Variants in TDRD12 observed in about 807,000 individuals in gnomAD.
TDRD12 encodes tudor domain containing 12.
TDRD12 carries 158 observed loss-of-function variants against 133.5 expected under a neutral mutation model. That is an observed-to-expected ratio of 1.18 (90% CI 1.04 to 1.35). TDRD12 has a LOEUF of 1.35. Among genes scored for constraint, TDRD12 ranks in the 40% most tolerant of loss-of-function variants. The pLI, the probability that TDRD12 is intolerant of heterozygous loss-of-function variation, is 0.00. For missense variants in TDRD12, 1,443 were observed against 1,321.3 expected (o/e 1.09, Z -1.43); for synonymous variants, 460 against 477.9 (o/e 0.96, Z 0.49).
chr19:32,815,593 C>G (rs1967151435), exon 26 of TDRD12: 4 of 1,536,072 alleles, frequency 2.6e-6, no homozygotes, highest in South Asian at 1.2e-5. Context: ...AAGATACCAG[C>G]TTGTGAAGAA....
chr19:32,780,183 A>C (rs963163405), intron 11 of TDRD12, among the ~76,000 whole-genome samples: 3 of 149,536 alleles, frequency 2.0e-5, no homozygotes, highest in Non-Finnish European at 4.4e-5. Flanking sequence ...TCTCGGGTTC[A>C]AGCGATTCTC....
At chr19:32,773,026 A>G (rs1446875502) in intron 9 of TDRD12, among the ~76,000 whole-genome samples, 176 bp downstream of exon 9, 1 of 152,242 alleles carries the variant, frequency 6.6e-6, no homozygotes, top group African/African-American at 2.4e-5. Context: ...TGAAAGGAGA[A>G]AGTAGCTCCA....
intron 4 of TDRD12, among the ~76,000 whole-genome samples, chr19:32,744,571 A>G (rs1429671548): frequency 1.3e-5 from 2 of 149,740 alleles, no homozygotes; most frequent in Non-Finnish European, 3.0e-5. Context: ...ACGTAGAGGC[A>G]TATATATATA....
intron 26 of TDRD12, among the ~76,000 whole-genome samples, 170 bp from the exon 27 acceptor site, chr19:32,817,918 AG>A (rs34549089): frequency 0.23 from 31,719 of 140,256 alleles, 3,957 homozygotes; most frequent in African/African-American, 0.32. Context: ...CAGCCCACCC[AG>A]GCATCCTAGA....
chr19:32,811,343 A>G (rs1290250538), exon 24 of TDRD12: 7 of 1,535,912 alleles, frequency 4.6e-6, no homozygotes, highest in Non-Finnish European at 6.1e-6. Flanking sequence ...ACATTTCCAC[A>G]CACTTCCCCC....
chr19:32,746,665 G>A (rs75638078), intron 4 of TDRD12, among the ~76,000 whole-genome samples: 1 of 145,176 alleles, frequency 6.9e-6, no homozygotes, highest in South Asian at 2.3e-4. Context: ...TGACAGAGGG[G>A]GAGAGAGACT....
intron 4 of TDRD12, among the ~76,000 whole-genome samples, chr19:32,746,575 T>A (rs113922861): frequency 8.1e-6 from 1 of 123,364 alleles, no homozygotes; most frequent in African/African-American, 3.0e-5. Context: ...TCTGTGTGTG[T>A]GAGAGAGAGA....
chr19:32,781,428 C>T (rs544827117), intron 11 of TDRD12, among the ~76,000 whole-genome samples: 1 of 152,136 alleles, frequency 6.6e-6, no homozygotes, highest in African/African-American at 2.4e-5. Context: ...AATTGAATCT[C>T]CTCTTTTCCA....
intron 8 of TDRD12, among the ~76,000 whole-genome samples, chr19:32,765,011 G>A (rs1219536080): frequency 6.6e-6 from 1 of 152,094 alleles, no homozygotes; most frequent in African/African-American, 2.4e-5. Context: ...CTAATATCCA[G>A]AATCTACAAT....
At chr19:32,729,884 G>T (rs896209094) in intron 1 of TDRD12, among the ~76,000 whole-genome samples, 2 of 139,180 alleles carry the variant, frequency 1.4e-5, no homozygotes, top group African/African-American at 2.6e-5. Flanking sequence ...TCCACCACCC[G>T]GTTTCACACC....
intron 2 of TDRD12, among the ~76,000 whole-genome samples, chr19:32,738,354 G>A (rs1027357435): frequency 2.6e-5 from 4 of 152,188 alleles, no homozygotes; most frequent in Non-Finnish European, 5.9e-5. Flanking sequence ...GTACTCAGAC[G>A]GCCTGTGTTC....
At chr19:32,773,562 G>T (rs1970496673) in intron 10 of TDRD12, 30 bp downstream of exon 10, 1 of 1,544,294 alleles carries the variant, frequency 6.5e-7, no homozygotes. Context: ...ACTGGGTGTG[G>T]TGGCGCCTGC....
At chr19:32,814,355 G>GT (rs1336473183) in intron 25 of TDRD12, among the ~76,000 whole-genome samples, 2 of 152,306 alleles carry the variant, frequency 1.3e-5, no homozygotes, top group East Asian at 3.9e-4. Flanking sequence ...AAGTTCTGCT[G>GT]TATTAGACTT....
intron 9 of TDRD12, among the ~76,000 whole-genome samples, chr19:32,773,208 C>T (rs1970486346): frequency 6.6e-6 from 1 of 152,174 alleles, no homozygotes; most frequent in African/African-American, 2.4e-5. Context: ...AAAGTAATTG[C>T]AGGACATTTT....
chr19:32,819,171 G>T (rs1329006491), intron 27 of TDRD12, among the ~76,000 whole-genome samples: 2 of 152,002 alleles, frequency 1.3e-5, no homozygotes, highest in African/African-American at 2.4e-5. Flanking sequence ...ACAAAAATTA[G>T]CTGGGTTTGG....
intron 11 of TDRD12, among the ~76,000 whole-genome samples, chr19:32,780,925 C>G (rs1970745907): frequency 6.7e-6 from 1 of 148,374 alleles, no homozygotes; most frequent in Non-Finnish European, 1.5e-5. Context: ...TGGCTCACTT[C>G]CCTAAGTTTT....
intron 13 of TDRD12, 87 bp from the exon 14 acceptor site, chr19:32,794,541 G>A (rs1971167154): frequency 3.1e-6 from 2 of 642,734 alleles, no homozygotes; most frequent in Non-Finnish European, 5.6e-6. Flanking sequence ...AATGTGTAGT[G>A]CTTTTTGGGG....
At position 32,765,150 on chromosome 19, in the gene TDRD12, G is replaced by A. The variant is rs896513978; in HGVS notation, c.866-7603G>A. 1.9e-4 allele frequency among the ~76,000 whole-genome samples: 29 copies of A among 152,266 alleles called. 1 individual carries two copies. Among genetic ancestry groups the A allele is most frequent in the Admixed American group, 1.6e-3 (25 of 15,282 alleles). ...GACACATGAAAAAATGCTCATCATT[G>A]CTGGCCATCAGAGAAATGCAAATCA... On this transcript the variant is annotated intron_variant, in intron 8 of 27. Transcript: ENST00000444215.
At chr19:32,775,612 T>C (rs1229014399) in intron 10 of TDRD12, among the ~76,000 whole-genome samples, 2 of 152,130 alleles carry the variant, frequency 1.3e-5, no homozygotes, top group African/African-American at 2.4e-5. Context: ...GGATTACAGG[T>C]GTGAGCCACT....
Sources: allele counts gnomAD v4.1 joint callset (sites outside exome capture counted in the v4.1 genomes callset), GRCh38; gene constraint gnomAD v4.1.1; transcripts MANE v1.5; gene names NCBI Gene and HGNC (gene_info 2026-07-23, HGNC 2026-07-21).